Variants in CD163L1 observed in about 807,000 individuals in gnomAD.
CD163L1 encodes the protein scavenger receptor cysteine-rich type 1 protein M160.
A neutral mutation model predicts 165.4 loss-of-function variants in CD163L1; 124 were observed. The ratio of observed to expected loss-of-function variants is 0.75; its 90% CI spans 0.65 to 0.87. CD163L1 has a LOEUF of 0.87. Ranked by LOEUF, CD163L1 falls within the 40% of genes least tolerant of loss-of-function variation. The probability of loss-of-function intolerance (pLI) is 0.00; values close to 1 mark genes in which losing one functional copy is unlikely to be tolerated. For missense variants in CD163L1, 1,525 were observed against 1,799.9 expected, an observed-to-expected ratio of 0.85 and a Z score of 2.76; for synonymous variants, 585 against 662.2, an observed-to-expected ratio of 0.88 and a Z score of 1.79.
chr12:7,398,571 CAGATCTGCCTTATCTGCAAGCA>C lies in CD163L1; in HGVS notation c.1409-9_1421del, dbSNP rs746370644. The C allele has an allele frequency of 6.3e-6, 10 of 1,576,642 alleles. No individual in the cohort carries two copies. In the East Asian group the frequency reaches 2.2e-4, roughly 35 times the overall value. On this transcript the variant is annotated splice_acceptor_variant and splice_polypyrimidine_tract_variant and coding_sequence_variant and intron_variant, in exon 7 of 20. Coordinates refer to ENST00000313599, the MANE Select transcript of CD163L1 (RefSeq NM_174941.6). LOFTEE classifies it high-confidence loss of function. The surrounding 1 kb of genome is among the most constrained non-coding windows in gnomAD (Gnocchi z 4.5). ...TATGAGCCCCGACAAGCCTTAGGTC[CAGATCTGCCTTATCTGCAAGCA>C]AGACAAAACCACATATTTGAGATCA... is the stretch of plus-strand genomic sequence containing the variant.
At chr12:7,320,571 T>C in the CD163L1 span, among the ~76,000 whole-genome samples, 1 of 152,224 alleles carries the variant, frequency 6.6e-6, no homozygotes, top group African/African-American at 2.4e-5. Flanking sequence ...ATACAGTCAC[T>C]AGTGACAAGT....
downstream of CD163L1, among the ~76,000 whole-genome samples, chr12:7,352,556 A>G (rs1417124116): frequency 6.6e-6 from 1 of 152,138 alleles, no homozygotes; most frequent in African/African-American, 2.4e-5. Flanking sequence ...AACTTAGAAT[A>G]TGTTCCCTGA....
At position 7,406,599 on chromosome 12, in the gene CD163L1, G is replaced by T. The variant is rs146596990; in HGVS notation, c.1020C>A (p.Asp340Glu). Residue 340 changes from aspartate to glutamate, a missense_variant, in exon 5 of 20, where the codon GAC becomes GAA. Physicochemically the swap from Asp to Glu is conservative, Grantham distance 45. Transcript: ENST00000313599. Reference sequence around the variant, plus strand: ...AATTGACGGTTCCGGAATGTCTGCAGTCCCAAAGAAAAGATTCATTACCGG... The same window carrying T: ...AATTGACGGTTCCGGAATGTCTGCATTCCCAAAGAAAAGATTCATTACCGG... Reference protein sequence around the residue: ...SCSGNESFLWDCRHSGTVNFD... With the variant: ...SCSGNESFLWECRHSGTVNFD... The T allele has an allele frequency of 1.9e-6, 3 of 1,614,062 alleles. No individual in the cohort carries two copies. The highest frequency in any genetic ancestry group is 1.6e-4 in the Middle Eastern group (1 of 6,062).
In CD163L1 at chr12:7,433,686, C is replaced by T; in HGVS notation, c.133G>A (p.Asp45Asn). 2 of 1,604,578 alleles carry T rather than the reference C, an allele frequency of 1.2e-6. No individual in the cohort carries two copies. The highest frequency in any genetic ancestry group is 1.7e-6 in the Non-Finnish European group (2 of 1,174,392). The change falls in exon 3 of 20, where the codon GAT becomes AAT. Residue 45 changes from aspartate (D) to asparagine (N), a missense_variant. By Grantham distance (23) the Asp-to-Asn change is conservative (BLOSUM62 1). Transcript: ENST00000313599. ...CCATTGACCAGCCTCAACTCCAAAT[C>T]TGTTCCATCTGCAAGAAAGACAGAA... ...CFLISSFNGT[D>N]LELRLVNGDG... is the part of the protein sequence containing the mutation.
the CD163L1 span, among the ~76,000 whole-genome samples, chr12:7,322,089 A>G: frequency 1.3e-5 from 2 of 152,196 alleles, no homozygotes; most frequent in Non-Finnish European, 2.9e-5. Flanking sequence ...ATCAATCAAT[A>G]TTAGCTGTTA....
chr12:7,322,570 A>G, the CD163L1 span: 3 of 1,592,702 alleles, frequency 1.9e-6, no homozygotes, highest in Non-Finnish European at 2.6e-6. Flanking sequence ...TATGTTTAGT[A>G]TATGTGGGGG....
At chr12:7,415,577 C>A (rs112138420) in intron 4 of CD163L1, among the ~76,000 whole-genome samples, 2 of 151,816 alleles carry the variant, frequency 1.3e-5, no homozygotes, top group African/African-American at 4.8e-5. Flanking sequence ...CACTCCCCTA[C>A]CCCCCCAACC....
At chr12:7,337,779 A>G in the CD163L1 span, among the ~76,000 whole-genome samples, 1 of 152,212 alleles carries the variant, frequency 6.6e-6, no homozygotes, top group Non-Finnish European at 1.5e-5. Flanking sequence ...AGGATCTAGA[A>G]CCAGAAATAC....
At chr12:7,349,809 T>C (rs1353207288) in intron 4 of CD163L1, among the ~76,000 whole-genome samples, 1 of 152,214 alleles carries the variant, frequency 6.6e-6, no homozygotes, top group Non-Finnish European at 1.5e-5. Context: ...CAGGATGTTT[T>C]CAAAGTAGTT....
chr12:7,348,844 CA>C (rs1946689432), intron 4 of CD163L1, among the ~76,000 whole-genome samples: 2 of 138,816 alleles, frequency 1.4e-5, no homozygotes, highest in African/African-American at 5.4e-5. Context: ...AAATGTTTTT[CA>C]AAAACTGAGT....
At chr12:7,391,991 C>T (rs1591916460) in intron 8 of CD163L1, among the ~76,000 whole-genome samples, 1 of 120,412 alleles carries the variant, frequency 8.3e-6, no homozygotes, top group South Asian at 2.9e-4. Flanking sequence ...TTTAACACCC[C>T]ACTGTGAATA....
chr12:7,354,865 A>G (rs6488177), downstream of CD163L1: 151,868 of 152,294 alleles, frequency 1, 75,724 homozygotes, highest in Middle Eastern at 1. Flanking sequence ...CCTCCCCAAA[A>G]CTCCACTTCC....
the CD163L1 span, among the ~76,000 whole-genome samples, chr12:7,339,844 A>G: frequency 1.4e-4 from 22 of 152,184 alleles, no homozygotes; most frequent in Admixed American, 3.9e-4. Context: ...GACAATGAAA[A>G]GAAAGGTGGC....
intron 7 of CD163L1, 136 bp from the exon 8 acceptor site, chr12:7,396,551 G>A: frequency 1.2e-6 from 1 of 832,180 alleles, no homozygotes; most frequent in East Asian, 2.7e-5. Context: ...TTTTTCAGAT[G>A]TGATTAACCT....
chr12:7,378,330 C>A (rs1263132944), intron 9 of CD163L1, among the ~76,000 whole-genome samples: 9 of 152,084 alleles, frequency 5.9e-5, no homozygotes. Context: ...CTCTCCAATG[C>A]ACACACAGAC....
In CD163L1 at chr12:7,369,098, TA is replaced by T; in HGVS notation, c.4040-134del. On this transcript the variant is annotated intron_variant, in intron 15 of 19. Transcript: ENST00000313599. The surrounding 1 kb of genome is among the most constrained non-coding windows in gnomAD (Gnocchi z 4.9). ...TCTCCTGTGAATACTGGATGTCATT[TA>T]AAATATCAGTCAGAATCCTCTTGCT... 1.8e-6 allele frequency: 2 copies of T among 1,111,102 alleles called. No homozygotes were observed. Among genetic ancestry groups the T allele is most frequent in the Non-Finnish European group, 1.3e-6 (1 of 764,750 alleles). 68.8% of individuals were successfully genotyped at this position (1,111,102 alleles called of 1,614,324 possible). A position where few individuals can be genotyped will look rare whatever the true frequency, so the allele number is the denominator to read the frequency against.
chr12:7,378,903 A>G (rs1947325208), intron 9 of CD163L1, 75 bp downstream of exon 9: 39 of 1,383,738 alleles, frequency 2.8e-5, no homozygotes, highest in Non-Finnish European at 3.7e-5. Context: ...TTAAATAGCC[A>G]CTTCATAAAC....
the CD163L1 span, chr12:7,326,954 T>TAAATTAACTTTTCTGTTG: frequency 3.2e-6 from 5 of 1,578,210 alleles, no homozygotes; most frequent in Non-Finnish European, 3.4e-6. Context: ...ATGAGCAAGA[T>TAAATTAACTTTTCTGTTG]AAATTAACTT....
chr12:7,365,025 T>C (rs1946983482), intron 18 of CD163L1, among the ~76,000 whole-genome samples: 1 of 152,096 alleles, frequency 6.6e-6, no homozygotes, highest in Non-Finnish European at 1.5e-5. Context: ...CTTCAAAATA[T>C]ACTACAAAAT....
Sources: gnomAD v4.1 joint callset for allele counts (sites outside exome capture counted in the v4.1 genomes callset) on GRCh38, gnomAD v4.1.1 for gene constraint, Gnocchi (gnomAD v3.1) non-coding constraint, MANE v1.5 for transcripts, NCBI Gene and HGNC (gene_info 2026-07-23, HGNC 2026-07-21) for gene names.